ASIC2: variants seen among roughly 807,000 people sequenced by gnomAD.
ASIC2 encodes the protein acid-sensing ion channel 2.
ASIC2 carries 25 observed loss-of-function variants against 57.3 expected under a neutral mutation model. The observed-to-expected ratio is 0.44, with a 90% confidence interval of 0.32 to 0.61. ASIC2 has a LOEUF of 0.61. Ranked by LOEUF, ASIC2 falls within the 20% of genes least tolerant of loss-of-function variation. The pLI, the probability that ASIC2 is intolerant of heterozygous loss-of-function variation, is 0.06. For synonymous variants in ASIC2, 319 were observed against 307.5 expected, an observed-to-expected ratio of 1.04 and a Z score of -0.39; for missense variants, 641 against 738.1, an observed-to-expected ratio of 0.87 and a Z score of 1.52.
chr17:33,379,381 G>A (rs1909396565), intron 1 of ASIC2, among the ~76,000 whole-genome samples: 1 of 152,210 alleles, frequency 6.6e-6, no homozygotes, highest in Non-Finnish European at 1.5e-5. Context: ...ACACTCATAA[G>A]TTATTTACCC....
At chr17:33,437,611 G>C (rs1911672261) in intron 1 of ASIC2, among the ~76,000 whole-genome samples, 1 of 151,958 alleles carries the variant, frequency 6.6e-6, no homozygotes, top group Non-Finnish European at 1.5e-5. Flanking sequence ...AGACCAGCCT[G>C]ACAGTGAAAC....
At chr17:33,781,252 G>A (rs868692698) in intron 1 of ASIC2, among the ~76,000 whole-genome samples, 9 of 152,202 alleles carry the variant, frequency 5.9e-5, no homozygotes, top group Non-Finnish European at 1.2e-4. Flanking sequence ...CTTTGCCCCT[G>A]TGGCCACTGG....
At chr17:33,091,205 G>C (rs888876204) in intron 2 of ASIC2, among the ~76,000 whole-genome samples, 1 of 152,214 alleles carries the variant, frequency 6.6e-6, no homozygotes, top group African/African-American at 2.4e-5. Flanking sequence ...AGGGAGGACT[G>C]GATGGAATGA....
chr17:33,756,803 C>G (rs1910617331), intron 1 of ASIC2, among the ~76,000 whole-genome samples: 2 of 152,244 alleles, frequency 1.3e-5, no homozygotes, highest in South Asian at 2.1e-4. Flanking sequence ...GTGGAAGATG[C>G]TGTATTGGTT....
intron 1 of ASIC2, chr17:33,623,577 T>A (rs1905880466): frequency 6.6e-6 from 1 of 152,056 alleles, no homozygotes; most frequent in African/African-American, 2.4e-5. Flanking sequence ...TCTTGTGATA[T>A]CTTATGGTGG....
In ASIC2 at chr17:33,672,667, C is replaced by T. The variant is rs547568741; in HGVS notation, c.555+483311G>A. ...TGTCCCAAGAGATAGCTTTGACTTT[C>T]CACCCCAGCCTGCTGATGTTATCTT... On this transcript the variant is annotated intron_variant, in intron 1 of 9. Transcript: ENST00000359872. 7.9e-5 allele frequency among the ~76,000 whole-genome samples: 12 copies of T among 152,312 alleles called. No individual in the cohort carries two copies. In the South Asian group the frequency reaches 2.5e-3, roughly 32 times the overall value.
chr17:33,773,643 GT>G (rs1911181818), intron 1 of ASIC2, among the ~76,000 whole-genome samples: 1 of 143,626 alleles, frequency 7.0e-6, no homozygotes, highest in African/African-American at 2.5e-5. Flanking sequence ...CTCTTCCACA[GT>G]TTAGTCTCTC....
At chr17:34,142,985 A>G (rs1912312552) in intron 1 of ASIC2, 2 of 152,358 alleles carry the variant, frequency 1.3e-5, no homozygotes, top group South Asian at 2.1e-4. Context: ...AGCAAGTGCT[A>G]TAGAATGGCT....
intron 1 of ASIC2, among the ~76,000 whole-genome samples, chr17:33,709,157 G>A (rs989353): frequency 0.35 from 52,880 of 152,020 alleles, 10,842 homozygotes; most frequent in African/African-American, 0.58. Flanking sequence ...ACTCTGTAAC[G>A]CCGTAATCTT....
At chr17:33,579,499 G>T (rs1297593580) in intron 1 of ASIC2, among the ~76,000 whole-genome samples, 2 of 152,028 alleles carry the variant, frequency 1.3e-5, no homozygotes, top group Non-Finnish European at 2.9e-5. Flanking sequence ...GCCTTACTGT[G>T]CCCAGAATTG....
chr17:33,154,710 GAA>G (rs1337308199), intron 1 of ASIC2, among the ~76,000 whole-genome samples: 3 of 152,212 alleles, frequency 2.0e-5, no homozygotes, highest in Non-Finnish European at 4.4e-5. Context: ...AGGAGGCAGA[GAA>G]GAGCAGTTGC....
intron 1 of ASIC2, among the ~76,000 whole-genome samples, chr17:33,841,590 A>G (rs1370112860): frequency 6.6e-6 from 1 of 152,232 alleles, no homozygotes; most frequent in African/African-American, 2.4e-5. Context: ...ACACAGTGAG[A>G]AACAGGCATT....
At chr17:33,896,010 A>T (rs1049738465) in intron 1 of ASIC2, among the ~76,000 whole-genome samples, 12 of 108,436 alleles carry the variant, frequency 1.1e-4, no homozygotes, top group African/African-American at 3.8e-4. Context: ...AATGAGATTA[A>T]AAAAAAATGT....
At chr17:33,020,330 T>C (rs1221215375) in intron 7 of ASIC2, among the ~76,000 whole-genome samples, 1 of 152,186 alleles carries the variant, frequency 6.6e-6, no homozygotes, top group Non-Finnish European at 1.5e-5. Flanking sequence ...AACCTGAGGT[T>C]CAGCAAGGTA....
intron 1 of ASIC2, among the ~76,000 whole-genome samples, chr17:33,303,476 A>T (rs1351444459): frequency 6.6e-6 from 1 of 152,226 alleles, no homozygotes; most frequent in Non-Finnish European, 1.5e-5. Flanking sequence ...AGAAGGCCAC[A>T]CAAAAACATT....
At chr17:33,019,795 G>GTCTC (rs10578415) in intron 7 of ASIC2, among the ~76,000 whole-genome samples, 7 of 148,834 alleles carry the variant, frequency 4.7e-5, no homozygotes, top group Admixed American at 2.0e-4. Context: ...TGCTCTGTAT[G>GTCTC]TCTCTCTCTC....
At chr17:33,262,114 A>T (rs757865424) in intron 1 of ASIC2, among the ~76,000 whole-genome samples, 24 of 152,206 alleles carry the variant, frequency 1.6e-4, no homozygotes, top group Non-Finnish European at 3.2e-4. Flanking sequence ...TGTAGGCTCC[A>T]CTGAGCCATG....
At chr17:33,330,930 G>A (rs1215428521) in intron 1 of ASIC2, among the ~76,000 whole-genome samples, 2 of 152,122 alleles carry the variant, frequency 1.3e-5, no homozygotes, top group African/African-American at 2.4e-5. Context: ...TGTGCTCGGT[G>A]TGTTTAATGG....
intron 1 of ASIC2, among the ~76,000 whole-genome samples, chr17:34,062,463 T>C (rs1385886214): frequency 1.3e-5 from 2 of 151,994 alleles, no homozygotes; most frequent in East Asian, 3.8e-4. Flanking sequence ...GTTAAGGAAC[T>C]AGAGAAAGAA....
Sources: gnomAD v4.1 joint callset for allele counts (sites outside exome capture counted in the v4.1 genomes callset) on GRCh38, gnomAD v4.1.1 for gene constraint, MANE v1.5 for transcripts, NCBI Gene and HGNC (gene_info 2026-07-23, HGNC 2026-07-21) for gene names.